GADL1: variants seen among roughly 807,000 people sequenced by gnomAD.
GADL1 encodes GAD like acidic amino acid decarboxylase 1, also known as acidic amino acid decarboxylase GADL1.
In GADL1, 71 loss-of-function variants were observed where a neutral mutation model predicts 69.5. The observed-to-expected ratio is 1.02, with a 90% CI of 0.84 to 1.25. The LOEUF is 1.25. Among genes scored for constraint, GADL1 ranks in the 50% most tolerant of loss-of-function variants. The pLI is 0.00. For synonymous variants in GADL1, 254 were observed against 214.4 expected (o/e 1.18, Z -1.62); for missense variants, 737 against 631.8 (o/e 1.17, Z -1.79).
intron 13 of GADL1, among the ~76,000 whole-genome samples, chr3:30,779,705 AAGT>A (rs1356221994): frequency 6.6e-6 from 1 of 152,202 alleles, no homozygotes; most frequent in Non-Finnish European, 1.5e-5. Context: ...CCTGACTAGA[AAGT>A]AGAAGAAAAA....
At chr3:30,889,376 G>A (rs1305896272) in intron 1 of GADL1, among the ~76,000 whole-genome samples, 2 of 152,212 alleles carry the variant, frequency 1.3e-5, no homozygotes, top group Non-Finnish European at 2.9e-5. Context: ...TCCTGGAGCT[G>A]CCTTTGCAGA....
intron 14 of GADL1, among the ~76,000 whole-genome samples, chr3:30,755,518 C>T (rs1477855439): frequency 6.6e-6 from 1 of 152,196 alleles, no homozygotes; most frequent in African/African-American, 2.4e-5. Flanking sequence ...TAAGGAATTT[C>T]TTGGGCCTGT....
At chr3:30,865,163 T>C (rs1334132441) in intron 1 of GADL1, among the ~76,000 whole-genome samples, 1 of 151,878 alleles carries the variant, frequency 6.6e-6, no homozygotes, top group African/African-American at 2.4e-5. Context: ...TAAACATCAG[T>C]TTCTCAGGGA....
rs188913033 is a variant in GADL1, at chr3:30,866,186, G to A, written c.38-4421C>T. Among the ~76,000 whole-genome samples the A allele has an allele frequency of 5.3e-5, 8 of 152,078 alleles. No homozygotes were observed. In the East Asian group the frequency reaches 1.4e-3, roughly 26 times the overall value. On this transcript the variant is annotated intron_variant, in intron 1 of 14. Coordinates refer to ENST00000282538, the MANE Select transcript of GADL1 (RefSeq NM_207359.3). ...TCAATACATAAATGACACCAGGCACGGTGGTTCACACCTGCAATCTCAGCA... is the reference window on the plus strand; with the variant it reads ...TCAATACATAAATGACACCAGGCACAGTGGTTCACACCTGCAATCTCAGCA...
chr3:30,756,023 G>A (rs963565539), intron 14 of GADL1, among the ~76,000 whole-genome samples: 14 of 152,108 alleles, frequency 9.2e-5, no homozygotes, highest in Admixed American at 7.2e-4. Context: ...GGCCTCGCAG[G>A]AGAAACCTTG....
At chr3:30,785,634 A>C (rs1311206016) in intron 13 of GADL1, among the ~76,000 whole-genome samples, 1 of 152,164 alleles carries the variant, frequency 6.6e-6, no homozygotes, top group East Asian at 1.9e-4. Flanking sequence ...TTGGCCTCTC[A>C]AAGTGCTGGA....
At chr3:30,891,295 G>C (rs1216936527) in intron 1 of GADL1, among the ~76,000 whole-genome samples, 3 of 152,148 alleles carry the variant, frequency 2.0e-5, no homozygotes, top group Non-Finnish European at 4.4e-5. Context: ...CCCTGAGAGA[G>C]GGGCAGTGAG....
intron 11 of GADL1, among the ~76,000 whole-genome samples, chr3:30,827,987 T>C (rs890842502): frequency 6.6e-6 from 1 of 151,886 alleles, no homozygotes; most frequent in Non-Finnish European, 1.5e-5. Flanking sequence ...TCTAAAGAAA[T>C]TTATAATGTA....
chr3:30,798,035 A>G (rs1697081546), intron 12 of GADL1: 1 of 152,176 alleles, frequency 6.6e-6, no homozygotes, highest in South Asian at 2.1e-4. Context: ...AAGTGTGACA[A>G]CAATTTTATT....
chr3:30,862,068 G>T (rs1156999760), intron 1 of GADL1, among the ~76,000 whole-genome samples: 2 of 151,864 alleles, frequency 1.3e-5, no homozygotes, highest in Admixed American at 6.6e-5. Flanking sequence ...GCAATTTCAG[G>T]TCTGATGGGG....
intron 12 of GADL1, chr3:30,798,862 T>C (rs1697103473): frequency 6.6e-6 from 1 of 152,218 alleles, no homozygotes; most frequent in Admixed American, 6.6e-5. Flanking sequence ...ACAAAGGGGT[T>C]ACAGGACCCA....
chr3:30,806,906 C>T (rs1411321525), intron 11 of GADL1, among the ~76,000 whole-genome samples: 1 of 152,128 alleles, frequency 6.6e-6, no homozygotes, highest in Non-Finnish European at 1.5e-5. Context: ...TTCCAAGGCT[C>T]CTACAGATAT....
intron 11 of GADL1, among the ~76,000 whole-genome samples, chr3:30,821,777 A>G (rs1414903595): frequency 6.6e-6 from 1 of 151,710 alleles, no homozygotes; most frequent in Non-Finnish European, 1.5e-5. Context: ...CTACTAGATG[A>G]AATATATTCT....
chr3:30,814,137 G>T (rs982881317), intron 11 of GADL1, among the ~76,000 whole-genome samples: 1 of 152,098 alleles, frequency 6.6e-6, no homozygotes, highest in African/African-American at 2.4e-5. Flanking sequence ...AAAACAGAAG[G>T]TGTCTTCATT....
In GADL1 at chr3:30,778,227, G is replaced by T. The variant is rs757345337; in HGVS notation, c.1344C>A (p.Ser448Arg). 7 of 1,612,284 alleles carry T rather than the reference G, an allele frequency of 4.3e-6. No individual in the cohort carries two copies. Among genetic ancestry groups the T allele is most frequent in the Middle Eastern group, 1.6e-4 (1 of 6,076 alleles). The change falls in exon 14 of 15, where the codon AGC becomes AGA. Residue 448 changes from serine to arginine, a missense_variant. Physicochemically the swap from Ser to Arg is moderately radical, Grantham distance 110. Transcript: ENST00000282538. ...CGGGTCCTTCTTCCATCTCTCTGAG[G>T]CTCGGTGGAATGTACCAAAAGCAAA... ...ANICFWYIPP[S>R]LREMEEGPEF...
chr3:30,752,100 C>T (rs1695834875), intron 14 of GADL1, among the ~76,000 whole-genome samples: 1 of 147,346 alleles, frequency 6.8e-6, no homozygotes, highest in South Asian at 2.1e-4. Flanking sequence ...GCTGTGGTTT[C>T]TCATTCCACA....
chr3:30,745,110 T>C (rs1417843644), intron 14 of GADL1, among the ~76,000 whole-genome samples: 1 of 152,212 alleles, frequency 6.6e-6, no homozygotes, highest in Admixed American at 6.5e-5. Context: ...GGAATTAAGA[T>C]GAAATATAAA....
At chr3:30,805,632 A>G (rs765179038) in intron 11 of GADL1, among the ~76,000 whole-genome samples, 1 of 150,872 alleles carries the variant, frequency 6.6e-6, no homozygotes, top group Non-Finnish European at 1.5e-5. Context: ...TAGCCAAGCC[A>G]TCTTTGATTT....
At chr3:30,891,229 T>A (rs1698781797) in intron 1 of GADL1, among the ~76,000 whole-genome samples, 1 of 152,080 alleles carries the variant, frequency 6.6e-6, no homozygotes, top group Admixed American at 6.5e-5. Context: ...CCCTTTTCCC[T>A]CAGAGCCAAG....
Sources: gnomAD v4.1 joint callset for allele counts (sites outside exome capture counted in the v4.1 genomes callset) on GRCh38, gnomAD v4.1.1 for gene constraint, MANE v1.5 for transcripts, NCBI Gene and HGNC (gene_info 2026-07-23, HGNC 2026-07-21) for gene names.